CERKL: variants seen among roughly 807,000 people sequenced by gnomAD.
CERKL encodes the protein CERK like autophagy regulator, also known as ceramide kinase-like protein.
CERKL carries 61 observed loss-of-function variants against 63.4 expected under a neutral mutation model. The observed-to-expected ratio is 0.96, with a 90% CI of 0.78 to 1.19. The LOEUF (loss-of-function observed/expected upper bound fraction) is 1.19, where lower values mean the gene tolerates loss of function less well. CERKL is among the 50% of genes most tolerant of loss of function. CERKL has a pLI of 0.00. For missense variants in CERKL, 675 were observed against 655.5 expected (o/e 1.03, Z -0.33); for synonymous variants, 250 against 230.5 (o/e 1.08, Z -0.77).
intron 2 of CERKL, among the ~76,000 whole-genome samples, chr2:181,598,440 G>A (rs1337968743): frequency 6.6e-6 from 1 of 152,016 alleles, no homozygotes; most frequent in Non-Finnish European, 1.5e-5. Flanking sequence ...TGAGGAGCTA[G>A]TGCACCTCCC....
intron 8 of CERKL, 37 bp downstream of exon 8, chr2:181,548,508 A>G (rs780215788): frequency 4.9e-5 from 69 of 1,398,246 alleles, no homozygotes; most frequent in Non-Finnish European, 6.7e-5. Context: ...TGCTTTAAAG[A>G]TACAGGTTAT....
chr2:181,639,230 T>C (rs938864257), intron 1 of CERKL, among the ~76,000 whole-genome samples: 2 of 152,140 alleles, frequency 1.3e-5, no homozygotes, highest in African/African-American at 2.4e-5. Context: ...TGAAATTATA[T>C]GATGCCTAGG....
chr2:181,575,019 CT>C (rs1689069035), intron 2 of CERKL, among the ~76,000 whole-genome samples: 1 of 152,204 alleles, frequency 6.6e-6, no homozygotes, highest in Admixed American at 6.5e-5. Context: ...ATCACCCAGG[CT>C]GGAAACCTCA....
intron 3 of CERKL, among the ~76,000 whole-genome samples, chr2:181,572,014 A>G (rs1688922577): frequency 6.6e-6 from 1 of 152,136 alleles, no homozygotes; most frequent in Non-Finnish European, 1.5e-5. Flanking sequence ...AAGATTTCAG[A>G]TAATGTAAAA....
chr2:181,628,948 C>T (rs1686829483), intron 1 of CERKL, among the ~76,000 whole-genome samples: 1 of 152,116 alleles, frequency 6.6e-6, no homozygotes, highest in South Asian at 2.1e-4. Context: ...TAAGAACACG[C>T]TTCTATGTCT....
intron 1 of CERKL, among the ~76,000 whole-genome samples, chr2:181,628,320 A>T (rs562526562): frequency 6.6e-6 from 1 of 152,340 alleles, no homozygotes; most frequent in South Asian, 2.1e-4. Context: ...GCTCTGTCGT[A>T]CTTTACCTAT....
At chr2:181,563,828 T>C (rs1457746882) in intron 4 of CERKL, among the ~76,000 whole-genome samples, 1 of 152,118 alleles carries the variant, frequency 6.6e-6, no homozygotes, top group Non-Finnish European at 1.5e-5. Context: ...TGACTTAAAA[T>C]TGCCAGTTTA....
At chr2:181,579,366 C>A (rs1559087420) in intron 2 of CERKL, among the ~76,000 whole-genome samples, 1 of 151,916 alleles carries the variant, frequency 6.6e-6, no homozygotes, top group Non-Finnish European at 1.5e-5. Context: ...ACTCTAATTT[C>A]AATTTCCATT....
At chr2:181,642,235 G>A (rs1252301607) in intron 1 of CERKL, among the ~76,000 whole-genome samples, 1 of 152,086 alleles carries the variant, frequency 6.6e-6, no homozygotes, top group African/African-American at 2.4e-5. Context: ...GTCATATTGG[G>A]GTTTAACCCC....
chr2:181,615,514 T>C (rs1212998376), intron 1 of CERKL, among the ~76,000 whole-genome samples: 6 of 152,230 alleles, frequency 3.9e-5, no homozygotes, highest in Non-Finnish European at 5.9e-5. Flanking sequence ...GTCCACTTTT[T>C]AAAATACTGC....
chr2:181,543,983 C>CAAAAAAA (rs11450338), intron 11 of CERKL, among the ~76,000 whole-genome samples: 5 of 118,128 alleles, frequency 4.2e-5, no homozygotes, highest in Admixed American at 9.1e-5. Context: ...GGCTCTAACT[C>CAAAAAAA]AAAAAAAAAA....
At chr2:181,612,929 A>G (rs1393971190) in intron 1 of CERKL, among the ~76,000 whole-genome samples, 1 of 152,188 alleles carries the variant, frequency 6.6e-6, no homozygotes, top group Non-Finnish European at 1.5e-5. Flanking sequence ...GATCAGTACC[A>G]TACACGTTTA....
intron 1 of CERKL, among the ~76,000 whole-genome samples, chr2:181,623,771 A>AGCAAATCTTGAGCTGACCTCATTCT (rs1686560146): frequency 1.3e-5 from 2 of 152,202 alleles, no homozygotes; most frequent in Admixed American, 1.3e-4. Flanking sequence ...GTCATTTGGC[A>AGCAAATCTTGAGCTGACCTCATTCT]GCAAATCTTG....
rs1173269167 is a variant in CERKL at position 181,538,039 on chromosome 2, T to C, written c.*145A>G. 14 of 698,918 alleles carry C rather than the reference T, an allele frequency of 2.0e-5. No individual in the cohort carries two copies. Among genetic ancestry groups the C allele is most frequent in the Middle Eastern group, 7.5e-4 (2 of 2,656 alleles). The allele number at this position is 698,918 out of a possible 1,614,324, so 43.3% of individuals were successfully genotyped here. ...TGATGATCTGAGGTGGAACAGTTCA[T>C]CCTGAAACCATTCCCCCATCCACGG... On this transcript the variant is annotated 3_prime_UTR_variant, in exon 13 of 13. Coordinates refer to ENST00000410087, the MANE Select transcript of CERKL (RefSeq NM_201548.5).
At chr2:181,594,359 C>T (rs1289810313) in intron 2 of CERKL, among the ~76,000 whole-genome samples, 3 of 151,824 alleles carry the variant, frequency 2.0e-5, no homozygotes, top group Non-Finnish European at 4.4e-5. Flanking sequence ...AGAGTAAGTG[C>T]CTGGTTTGCT....
chr2:181,611,816 A>C (rs1371193434), intron 1 of CERKL, among the ~76,000 whole-genome samples: 2 of 152,236 alleles, frequency 1.3e-5, no homozygotes, highest in Non-Finnish European at 2.9e-5. Context: ...ATGAATATGC[A>C]TATGAAAATT....
At chr2:181,650,644 G>C (rs1687888500) in intron 1 of CERKL, among the ~76,000 whole-genome samples, 1 of 152,030 alleles carries the variant, frequency 6.6e-6, no homozygotes, top group Non-Finnish European at 1.5e-5. Flanking sequence ...TATAATCCCA[G>C]CTACTCAGGA....
chr2:181,572,650 T>TG (rs5836799), intron 3 of CERKL, among the ~76,000 whole-genome samples: 62,191 of 151,862 alleles, frequency 0.41, 13,783 homozygotes, highest in African/African-American at 0.58. Context: ...GTCACAAACA[T>TG]AAAGGTTAAC....
chr2:181,622,919 G>T (rs960563973), intron 1 of CERKL, among the ~76,000 whole-genome samples: 2 of 152,216 alleles, frequency 1.3e-5, no homozygotes, highest in African/African-American at 2.4e-5. Flanking sequence ...GTTTGAGAAT[G>T]TGGGACTACA....
Sources: allele counts gnomAD v4.1 joint callset (sites outside exome capture counted in the v4.1 genomes callset), GRCh38; gene constraint gnomAD v4.1.1; transcripts MANE v1.5; gene names NCBI Gene and HGNC (gene_info 2026-07-23, HGNC 2026-07-21).